The following SRPK1 variants were observed in gnomAD, a reference collection of about 807,000 sequenced individuals.
SRPK1 encodes the protein SRSF protein kinase 1, also known as SFRS protein kinase 1.
Under a neutral mutation model 89.5 loss-of-function variants are expected in SRPK1, and 52 were observed. The ratio of observed to expected loss-of-function variants is 0.58; its 90% CI spans 0.46 to 0.73. The LOEUF is 0.73. SRPK1 is among the 30% of genes least tolerant of loss of function. SRPK1 has a pLI of 0.00. For synonymous variants in SRPK1, 255 were observed against 270.2 expected (o/e 0.94, Z 0.55); for missense variants, 603 against 780.6 (o/e 0.77, Z 2.71).
intron 2 of SRPK1, among the ~76,000 whole-genome samples, chr6:35,902,141 GCC>G (rs1770755487): frequency 6.6e-6 from 1 of 150,710 alleles, no homozygotes; most frequent in African/African-American, 2.4e-5. Context: ...TGGCACAGTG[GCC>G]CCATGTCTGT....
At chr6:35,867,731 C>CA (rs540548644) in intron 12 of SRPK1, among the ~76,000 whole-genome samples, 207 of 152,134 alleles carry the variant, frequency 1.4e-3, no homozygotes, top group Non-Finnish European at 2.4e-3. Context: ...GCAGGAGAAT[C>CA]ACCTGAATCC....
intron 14 of SRPK1, among the ~76,000 whole-genome samples, chr6:35,839,667 A>G (rs1194305741): frequency 1.3e-5 from 2 of 150,640 alleles, no homozygotes; most frequent in Non-Finnish European, 3.0e-5. Flanking sequence ...CAGGTGACAG[A>G]AGTTAAGAAT....
intron 13 of SRPK1, among the ~76,000 whole-genome samples, chr6:35,854,691 C>T (rs937494595): frequency 1.3e-5 from 2 of 149,728 alleles, no homozygotes; most frequent in Admixed American, 1.3e-4. Flanking sequence ...TCTACTGCCC[C>T]CCAAACAAAA....
chr6:35,888,960 G>T, intron 3 of SRPK1, 37 bp from the exon 4 acceptor site: 2 of 1,410,468 alleles, frequency 1.4e-6, no homozygotes, highest in Non-Finnish European at 2.0e-6. Context: ...AGAAAAACCA[G>T]GATGAGAAAC....
rs772955241 is a variant in SRPK1 at position 35,870,939 on chromosome 6, T to G, written c.772A>C (p.Lys258Gln). 1 of 1,608,760 alleles carries G rather than the reference T, an allele frequency of 6.2e-7. No individual in the cohort carries two copies. The highest frequency in any genetic ancestry group is 8.5e-7 in the Non-Finnish European group (1 of 1,176,874). ...TAAAAACACCTTATACTTACTGGTTTAGGCTGGGGAGCAGTACTGACTGAA... is the reference window on the plus strand; with the variant it reads ...TAAAAACACCTTATACTTACTGGTTGAGGCTGGGGAGCAGTACTGACTGAA... ...GSAVSTAPQP[K>Q]PADKMSKNKK... The change falls in exon 9 of 16, where the codon AAA (lysine) becomes CAA (glutamine). Residue 258 changes from lysine to glutamine, a missense_variant. Transcript: ENST00000373825.
chr6:35,878,412 C>G (rs1367180448), intron 6 of SRPK1, among the ~76,000 whole-genome samples: 2 of 152,176 alleles, frequency 1.3e-5, no homozygotes, highest in Non-Finnish European at 2.9e-5. Context: ...GTTTCCCCAC[C>G]TAGACAACCA....
intron 14 of SRPK1, among the ~76,000 whole-genome samples, chr6:35,839,504 T>C (rs1338421414): frequency 6.6e-6 from 1 of 152,164 alleles, no homozygotes; most frequent in African/African-American, 2.4e-5. Context: ...AAAGTATAGC[T>C]GCTTGATGAT....
chr6:35,908,078 A>C (rs1291680646), intron 2 of SRPK1, among the ~76,000 whole-genome samples: 1 of 152,202 alleles, frequency 6.6e-6, no homozygotes, highest in Non-Finnish European at 1.5e-5. Context: ...GGAACTGTGA[A>C]TCAAACTTCT....
At chr6:35,868,406 C>T (rs185907723) in intron 12 of SRPK1, among the ~76,000 whole-genome samples, 1 of 152,234 alleles carries the variant, frequency 6.6e-6, no homozygotes, top group East Asian at 1.9e-4. Flanking sequence ...CATCATAAAG[C>T]CCTTTTAAAA....
intron 6 of SRPK1, among the ~76,000 whole-genome samples, chr6:35,878,803 A>G (rs1447564324): frequency 6.6e-6 from 1 of 152,118 alleles, no homozygotes; most frequent in Non-Finnish European, 1.5e-5. Flanking sequence ...AGACTAGGAC[A>G]TTTACGGCCA....
chr6:35,890,277 C>A (rs1418095542), intron 3 of SRPK1, among the ~76,000 whole-genome samples: 2 of 152,128 alleles, frequency 1.3e-5, no homozygotes, highest in African/African-American at 4.8e-5. Flanking sequence ...AAAAAACCCC[C>A]AAAAAACCAG....
chr6:35,882,101 CAATAGTAGTAGTAGTACTAGTAGT>C (rs1276853804), intron 6 of SRPK1, among the ~76,000 whole-genome samples: 2 of 132,780 alleles, frequency 1.5e-5, no homozygotes, highest in African/African-American at 5.6e-5. Context: ...GTAGTAGTAG[CAATAGTAGTAGTAGTACTAGTAGT>C]AGTAGTAGTA....
At chr6:35,870,855 A>T in intron 9 of SRPK1, 79 bp downstream of exon 9, 4 of 1,245,176 alleles carry the variant, frequency 3.2e-6, no homozygotes, top group Non-Finnish European at 4.5e-6. Context: ...CTTGAAACAA[A>T]CTGTTACCAT....
chr6:35,869,574 T>C lies in SRPK1; in HGVS notation c.1319A>G (p.Gln440Arg), dbSNP rs1046369089. The change falls in exon 11 of 16, where the codon CAA becomes CGA. Residue 440 changes from glutamine to arginine, a missense_variant. By Grantham distance (43) the Gln-to-Arg change is conservative. Coordinates refer to ENST00000373825, the MANE Select transcript of SRPK1 (RefSeq NM_003137.5). Reference protein sequence around the residue: ...SSTVGQSFSEQHISQLQESIR... With the variant: ...SSTVGQSFSERHISQLQESIR... ...GCTTTCTTGAAGTTGGCTAATGTGTTGTTCACTGAATGACTGACCTACAGT... is the reference window on the plus strand; with the variant it reads ...GCTTTCTTGAAGTTGGCTAATGTGTCGTTCACTGAATGACTGACCTACAGT... 1.2e-6 allele frequency: 2 copies of C among 1,613,994 alleles called. No homozygotes were observed. Among genetic ancestry groups the C allele is most frequent in the Non-Finnish European group, 1.7e-6 (2 of 1,179,880 alleles).
chr6:35,884,168 G>C (rs2127254962), intron 6 of SRPK1, among the ~76,000 whole-genome samples: 1 of 152,126 alleles, frequency 6.6e-6, no homozygotes, highest in East Asian at 1.9e-4. Flanking sequence ...TAGCAAAACA[G>C]ACAGAATACA....
intron 6 of SRPK1, among the ~76,000 whole-genome samples, chr6:35,877,912 C>A (rs1297509923): frequency 6.6e-6 from 1 of 150,676 alleles, no homozygotes; most frequent in East Asian, 1.9e-4. Context: ...TCAAAACACA[C>A]TGGATGGAAC....
chr6:35,839,183 C>T (rs763450513), intron 14 of SRPK1, among the ~76,000 whole-genome samples: 4 of 152,312 alleles, frequency 2.6e-5, no homozygotes, highest in South Asian at 4.1e-4. Flanking sequence ...ACCTGGCTGA[C>T]TTAAAACATT....
rs759934330 is a variant in SRPK1, at chr6:35,888,883, C to G, written c.234G>C (p.Gly78=). 4 of 1,613,200 alleles carry G rather than the reference C, an allele frequency of 2.5e-6. No homozygotes were observed. The highest frequency in any genetic ancestry group is 2.2e-5 in the South Asian group (2 of 91,080). The change falls in exon 4 of 16, where the codon GGG becomes GGC. Residue 78 remains glycine, a synonymous_variant. Transcript: ENST00000373825. ...CTAACTTTCGGATCACATGGTATCT[C>G]CCATTGAATAGATCTCCAATTTTCA... The part of the protein sequence containing the change: ...HLVKIGDLFN[G]RYHVIRKLGW...
At position 35,888,862 on chromosome 6, in the gene SRPK1, C is replaced by T. The variant is rs1410096346; in HGVS notation, c.255G>A (p.Lys85=). The part of the protein sequence containing the change: ...LFNGRYHVIR[K]LGWGHFSTVW... ...CTGTTGAAAAGTGTCCCCAGCCTAA[C>T]TTTCGGATCACATGGTATCTCCCAT... The change falls in exon 4 of 16, where the codon AAG becomes AAA. Residue 85 remains lysine, a synonymous_variant. Coordinates refer to ENST00000373825, the MANE Select transcript of SRPK1 (RefSeq NM_003137.5). 6.2e-7 allele frequency: 1 copy of T among 1,613,506 alleles called. No individual in the cohort carries two copies.
Sources: allele counts gnomAD v4.1 joint callset (sites outside exome capture counted in the v4.1 genomes callset), GRCh38; gene constraint gnomAD v4.1.1; transcripts MANE v1.5; gene names NCBI Gene and HGNC (gene_info 2026-07-23, HGNC 2026-07-21).